Variants in AUTS2 observed in about 807,000 individuals in gnomAD.
AUTS2 encodes autism susceptibility gene 2 protein.
Under a neutral mutation model 112.4 loss-of-function variants are expected in AUTS2, and 17 were observed. The ratio of observed to expected loss-of-function variants is 0.15; its 90% CI spans 0.10 to 0.23. The LOEUF (loss-of-function observed/expected upper bound fraction) is 0.23, where lower values mean the gene tolerates loss of function less well. Ranked by LOEUF, AUTS2 falls within the 10% of genes least tolerant of loss-of-function variation. AUTS2 has a pLI of 1.00. For synonymous variants in AUTS2, 751 were observed against 702.7 expected (o/e 1.07, Z -1.09); for missense variants, 1,510 against 1,701.6 (o/e 0.89, Z 1.98).
Position 70,790,380 on chromosome 7 carries a change from T to C in AUTS2, c.3164T>C (p.Leu1055Pro). ...MMTPFMGISP[L>P]PGGERFPYPS... The stretch of plus-strand genomic sequence containing the variant: ...ACCCCCTTCATGGGCATCAGCCCCC[T>C]CCCGGGCGGAGAGCGCTTCCCGTAC... Residue 1055 changes from leucine to proline, a missense_variant, in exon 19 of 19, where the codon CTC becomes CCC. By Grantham distance (98) the Leu-to-Pro change is moderately conservative. Coordinates refer to ENST00000342771, the MANE Select transcript of AUTS2 (RefSeq NM_015570.4). The surrounding 1 kb of genome is among the most constrained non-coding windows in gnomAD (Gnocchi z 7.6). 1 of 1,613,500 alleles carries C rather than the reference T, an allele frequency of 6.2e-7. No homozygotes were observed. Among genetic ancestry groups the C allele is most frequent in the Non-Finnish European group, 8.5e-7 (1 of 1,179,908 alleles).
intron 1 of AUTS2, among the ~76,000 whole-genome samples, chr7:69,762,109 G>C (rs1788209724): frequency 6.6e-6 from 1 of 152,004 alleles, no homozygotes; most frequent in African/African-American, 2.4e-5. Flanking sequence ...TGGCTGTTTG[G>C]CACACTGGTC....
chr7:70,374,626 G>A (rs532472488), intron 4 of AUTS2, among the ~76,000 whole-genome samples: 2 of 152,168 alleles, frequency 1.3e-5, no homozygotes, highest in African/African-American at 2.4e-5. Flanking sequence ...ATTATATTGG[G>A]GTCAAGATGA....
intron 4 of AUTS2, chr7:70,290,313 A>G: frequency 1.4e-6 from 2 of 1,436,200 alleles, no homozygotes; most frequent in South Asian, 3.2e-5. Context: ...GTATTATATC[A>G]GAGGGCATTT....
At chr7:69,721,861 A>G (rs1417470284) in intron 1 of AUTS2, among the ~76,000 whole-genome samples, 1 of 152,168 alleles carries the variant, frequency 6.6e-6, no homozygotes, top group Non-Finnish European at 1.5e-5. Flanking sequence ...TCATTGAGTG[A>G]TTTTGATTTG....
At chr7:69,794,973 T>A (rs912611962) in intron 1 of AUTS2, among the ~76,000 whole-genome samples, 1 of 152,182 alleles carries the variant, frequency 6.6e-6, no homozygotes. Context: ...TAGTTAAGAA[T>A]ATAGACACTG....
chr7:70,701,378 A>C (rs537878295), intron 6 of AUTS2, among the ~76,000 whole-genome samples: 63 of 152,302 alleles, frequency 4.1e-4, no homozygotes, highest in African/African-American at 1.5e-3. Context: ...TACCCTCTTT[A>C]GGTCAAGATT....
intron 5 of AUTS2, among the ~76,000 whole-genome samples, chr7:70,459,408 G>A (rs1265059067): frequency 6.6e-6 from 1 of 152,166 alleles, no homozygotes; most frequent in Non-Finnish European, 1.5e-5. Flanking sequence ...AGCTGAGTGT[G>A]TTTCTCTCCA....
chr7:70,502,882 A>C (rs1285483467), intron 5 of AUTS2, among the ~76,000 whole-genome samples: 1 of 150,990 alleles, frequency 6.6e-6, no homozygotes, highest in Non-Finnish European at 1.5e-5. Flanking sequence ...CCAAGATATC[A>C]TGTACCCTCC....
At chr7:70,749,026 TG>T (rs1788636567) in intron 6 of AUTS2, among the ~76,000 whole-genome samples, 1 of 152,176 alleles carries the variant, frequency 6.6e-6, no homozygotes. Context: ...AGAGCCGGAC[TG>T]GGAACAGTGC....
At chr7:70,526,290 C>T (rs751231073) in intron 5 of AUTS2, among the ~76,000 whole-genome samples, 5 of 152,214 alleles carry the variant, frequency 3.3e-5, no homozygotes, top group South Asian at 2.1e-4. Flanking sequence ...AGACACCGCA[C>T]GCTCTGCTGA....
chr7:70,397,884 G>T (rs757963851), intron 4 of AUTS2, among the ~76,000 whole-genome samples: 1 of 152,268 alleles, frequency 6.6e-6, no homozygotes, highest in South Asian at 2.1e-4. Context: ...CACAATTTTA[G>T]TGTTTAAATT....
At position 69,599,623 on chromosome 7, in the gene AUTS2, G is replaced by T; in HGVS notation, c.-31G>T. The T allele has an allele frequency of 7.9e-7, 1 of 1,271,736 alleles. No homozygotes were observed. The allele number at this position is 1,271,736 out of a possible 1,614,324, so 78.8% of individuals were successfully genotyped here. Reference sequence around the variant, plus strand: ...TGGCTGCGGCCGTAGCCTGTGGCGGGCAAGCGGGGAGACCCCGGCGCAGCA... The same window carrying T: ...TGGCTGCGGCCGTAGCCTGTGGCGGTCAAGCGGGGAGACCCCGGCGCAGCA... On this transcript the variant is annotated 5_prime_UTR_variant, in exon 1 of 19. Transcript: ENST00000342771. This position sits in a 1 kb window ranked among gnomAD's most constrained non-coding sequence, Gnocchi z 7.0.
chr7:70,189,961 G>C (rs552145690), intron 4 of AUTS2, among the ~76,000 whole-genome samples: 2 of 152,222 alleles, frequency 1.3e-5, no homozygotes, highest in African/African-American at 2.4e-5. Context: ...TACTGATTGT[G>C]GTTTGAGGTT....
rs559070143 is a variant in AUTS2, at chr7:69,859,537, C to T, written c.310-39749C>T. ...TTTGTTTGTGGTTATTGATTCTAGT[C>T]ACTCCTATTCTTATCTCCATCCAAA... On this transcript the variant is annotated intron_variant, in intron 1 of 18. Coordinates refer to ENST00000342771, the MANE Select transcript of AUTS2 (RefSeq NM_015570.4). 1.2e-4 allele frequency among the ~76,000 whole-genome samples: 19 copies of T among 152,272 alleles called. No homozygotes were observed. In the East Asian group the frequency reaches 2.3e-3, roughly 19 times the overall value.
intron 2 of AUTS2, among the ~76,000 whole-genome samples, chr7:69,944,244 A>G (rs1201015075): frequency 6.6e-6 from 1 of 152,146 alleles, no homozygotes; most frequent in Non-Finnish European, 1.5e-5. Context: ...GAGCTACACC[A>G]TATATAGAGT....
intron 5 of AUTS2, among the ~76,000 whole-genome samples, chr7:70,523,110 A>G (rs947327289): frequency 2.0e-5 from 3 of 152,222 alleles, no homozygotes; most frequent in Non-Finnish European, 2.9e-5. Context: ...CTCAAATGCA[A>G]TAACAGATTT....
chr7:69,620,851 G>A (rs1793622671), intron 1 of AUTS2, among the ~76,000 whole-genome samples: 1 of 152,128 alleles, frequency 6.6e-6, no homozygotes, highest in Admixed American at 6.5e-5. Context: ...GATGGTGTAT[G>A]CAGGCAAATA....
intron 4 of AUTS2, among the ~76,000 whole-genome samples, chr7:70,232,986 T>G (rs1374622405): frequency 6.6e-6 from 1 of 152,254 alleles, no homozygotes; most frequent in Non-Finnish European, 1.5e-5. Context: ...CCTTGAAATG[T>G]TCCATAACTC....
At chr7:70,218,502 C>T (rs940574836) in intron 4 of AUTS2, among the ~76,000 whole-genome samples, 3 of 152,106 alleles carry the variant, frequency 2.0e-5, no homozygotes, top group African/African-American at 4.8e-5. Flanking sequence ...CCCTCAGGGT[C>T]TGTGATCGGC....
Sources: gnomAD v4.1 joint callset for allele counts (sites outside exome capture counted in the v4.1 genomes callset) on GRCh38, gnomAD v4.1.1 for gene constraint, Gnocchi (gnomAD v3.1) non-coding constraint, MANE v1.5 for transcripts, NCBI Gene and HGNC (gene_info 2026-07-23, HGNC 2026-07-21) for gene names.